SNCAIP: variants seen among roughly 807,000 people sequenced by gnomAD.
SNCAIP encodes the protein synphilin-1.
Under a neutral mutation model 86.7 loss-of-function variants are expected in SNCAIP, and 43 were observed. The ratio of observed to expected loss-of-function variants is 0.50; its 90% CI spans 0.39 to 0.64. The LOEUF is 0.64. Ranked by LOEUF, SNCAIP falls within the 30% of genes least tolerant of loss-of-function variation. SNCAIP has a pLI of 0.00. For synonymous variants in SNCAIP, 417 were observed against 427.2 expected (o/e 0.98, Z 0.29); for missense variants, 981 against 1,103.1 (o/e 0.89, Z 1.57).
At chr5:122,333,836 C>A (rs888106005) in intron 1 of SNCAIP, among the ~76,000 whole-genome samples, 3 of 152,144 alleles carry the variant, frequency 2.0e-5, no homozygotes, top group Non-Finnish European at 4.4e-5. Context: ...CAATAGACTA[C>A]CCATGCTAGT....
intron 3 of SNCAIP, among the ~76,000 whole-genome samples, chr5:122,407,003 T>C (rs781760083): frequency 3.3e-5 from 5 of 152,216 alleles, no homozygotes; most frequent in Non-Finnish European, 7.3e-5. Context: ...TCATTTACTC[T>C]CTTATTTATT....
At chr5:122,435,311 T>C (rs2152953911) in intron 6 of SNCAIP, among the ~76,000 whole-genome samples, 2 of 152,260 alleles carry the variant, frequency 1.3e-5, no homozygotes, top group East Asian at 3.9e-4. Context: ...GGCAAAACAA[T>C]TGAGATGGAA....
At position 122,451,382 on chromosome 5, in the gene SNCAIP, G is replaced by A. The variant is rs958668039; in HGVS notation, c.2535G>A (p.Gln845=). The A allele has an allele frequency of 6.2e-7, 1 of 1,613,554 alleles. No individual in the cohort carries two copies. Among genetic ancestry groups the A allele is most frequent in the Non-Finnish European group, 8.5e-7 (1 of 1,179,430 alleles). ...EKDKDKGRTL[Q]RTSTSNESGD... is the part of the protein sequence containing the mutation. ...ACAAAGATAAGGGCAGGACTCTCCA[G>A]CGGACCTCCACAAGTAACGAATCGG... The change falls in exon 10 of 11, where the codon CAG becomes CAA. Residue 845 remains glutamine, a synonymous_variant. Transcript: ENST00000261368.
intron 10 of SNCAIP, among the ~76,000 whole-genome samples, chr5:122,460,873 C>A (rs1260351984): frequency 1.3e-5 from 2 of 152,186 alleles, no homozygotes; most frequent in Non-Finnish European, 2.9e-5. Context: ...CTCCTGCCCC[C>A]ATCTTCACTG....
intron 1 of SNCAIP, among the ~76,000 whole-genome samples, chr5:122,330,755 G>T (rs1755154696): frequency 6.6e-6 from 1 of 151,992 alleles, no homozygotes; most frequent in Non-Finnish European, 1.5e-5. Context: ...GTTGGGGGAG[G>T]GGATAGTTTC....
intron 3 of SNCAIP, among the ~76,000 whole-genome samples, chr5:122,410,965 T>A (rs2152895384): frequency 6.6e-6 from 1 of 152,366 alleles, no homozygotes; most frequent in Non-Finnish European, 1.5e-5. Flanking sequence ...CAAACTGATT[T>A]TCTACAAGGT....
At chr5:122,355,399 A>T (rs533985206) in intron 1 of SNCAIP, among the ~76,000 whole-genome samples, 1 of 152,162 alleles carries the variant, frequency 6.6e-6, no homozygotes. Context: ...AAGCAATCCT[A>T]TGCCAATGTT....
intron 10 of SNCAIP, chr5:122,453,124 T>C (rs1022279146): frequency 1.7e-6 from 1 of 581,576 alleles, no homozygotes; most frequent in Non-Finnish European, 3.1e-6. Context: ...AAATTACAAC[T>C]ATTCCCCCAA....
At chr5:122,324,580 T>G (rs2152680595) in intron 1 of SNCAIP, among the ~76,000 whole-genome samples, 1 of 152,354 alleles carries the variant, frequency 6.6e-6, no homozygotes, top group South Asian at 2.1e-4. Context: ...GTTTTAAGGC[T>G]TATTCCATTG....
chr5:122,440,130 A>G (rs1780505961), intron 6 of SNCAIP, among the ~76,000 whole-genome samples: 1 of 152,226 alleles, frequency 6.6e-6, no homozygotes, highest in South Asian at 2.1e-4. Flanking sequence ...TGTTGATTGC[A>G]GGAGGTATGG....
intron 8 of SNCAIP, among the ~76,000 whole-genome samples, chr5:122,445,981 A>T (rs932237565): frequency 1.3e-5 from 2 of 151,996 alleles, no homozygotes; most frequent in South Asian, 2.1e-4. Flanking sequence ...AGAAAAAATA[A>T]ATTAAAATTT....
intron 1 of SNCAIP, among the ~76,000 whole-genome samples, chr5:122,353,192 G>A (rs1760230774): frequency 6.6e-6 from 1 of 151,848 alleles, no homozygotes; most frequent in South Asian, 2.1e-4. Context: ...ATTATGTTGA[G>A]CAAAAAAAGG....
intron 1 of SNCAIP, among the ~76,000 whole-genome samples, chr5:122,364,306 A>G (rs1762748454): frequency 6.6e-6 from 1 of 152,242 alleles, no homozygotes; most frequent in Non-Finnish European, 1.5e-5. Context: ...TCTGTGGAGT[A>G]GCCATTCTTT....
At position 122,320,417 on chromosome 5, in the gene SNCAIP, G is replaced by A. The variant is rs568004403; in HGVS notation, c.-47+8133G>A. 8.5e-5 allele frequency among the ~76,000 whole-genome samples: 13 copies of A among 152,328 alleles called. No homozygotes were observed. The East Asian group carries it at 2.3e-3, about 27-fold the overall frequency. On this transcript the variant is annotated intron_variant, in intron 1 of 10. Transcript: ENST00000261368. Reference sequence around the variant, plus strand: ...CTCTAAGTTGCGGTCACAGCAGTGAGCAGACAGATGTGGGTCCTGAGCTCA... The same window carrying A: ...CTCTAAGTTGCGGTCACAGCAGTGAACAGACAGATGTGGGTCCTGAGCTCA...
chr5:122,412,329 G>A (rs1006922804), intron 3 of SNCAIP, among the ~76,000 whole-genome samples: 30 of 152,082 alleles, frequency 2.0e-4, no homozygotes, highest in African/African-American at 7.0e-4. Context: ...AACATCCCTA[G>A]TATGATTTCC....
At position 122,391,142 on chromosome 5, in the gene SNCAIP, C is replaced by T; in HGVS notation, c.8C>T (p.Ala3Val). The T allele has an allele frequency of 6.2e-7, 1 of 1,609,334 alleles. No homozygotes were observed. Among genetic ancestry groups the T allele is most frequent in the Non-Finnish European group, 8.5e-7 (1 of 1,175,734 alleles). Residue 3 changes from alanine (A) to valine (V), a missense_variant, in exon 2 of 11, where the codon GCC becomes GTC. By Grantham distance (64) the Ala-to-Val change is moderately conservative. Transcript: ENST00000261368. ...AATGTGCAAGGAAGAATAATGGAAG[C>T]CCCTGAATACCTTGATTTGGATGAA... ME[A>V]PEYLDLDEID...
chr5:122,420,246 A>G (rs1411346511), intron 3 of SNCAIP, among the ~76,000 whole-genome samples: 4 of 152,204 alleles, frequency 2.6e-5, no homozygotes, highest in South Asian at 4.1e-4. Context: ...GACAGAATTC[A>G]TTTCCATAGA....
chr5:122,427,254 A>G (rs1441927468), intron 5 of SNCAIP, among the ~76,000 whole-genome samples: 1 of 152,200 alleles, frequency 6.6e-6, no homozygotes, highest in Non-Finnish European at 1.5e-5. Context: ...AGTGGTTGTT[A>G]CGCCAATCTT....
chr5:122,318,332 C>A (rs774074173), intron 1 of SNCAIP, among the ~76,000 whole-genome samples: 12 of 151,978 alleles, frequency 7.9e-5, no homozygotes, highest in Non-Finnish European at 1.8e-4. Context: ...TTCAAGAAGC[C>A]CCTGCTGAAC....
Sources: gnomAD v4.1 joint callset for allele counts (sites outside exome capture counted in the v4.1 genomes callset) on GRCh38, gnomAD v4.1.1 for gene constraint, MANE v1.5 for transcripts, NCBI Gene and HGNC (gene_info 2026-07-23, HGNC 2026-07-21) for gene names.